Variants in RHOT1 observed in about 807,000 individuals in gnomAD.
The protein encoded by RHOT1 is mitochondrial Rho GTPase 1.
In RHOT1, 27 loss-of-function variants were observed where a neutral mutation model predicts 95.3. The observed-to-expected ratio is 0.28, with a 90% confidence interval of 0.21 to 0.39. RHOT1 has a LOEUF of 0.39. Among genes scored for constraint, RHOT1 ranks in the 10% least tolerant of loss-of-function variants. The pLI is 1.00. For synonymous variants in RHOT1, 227 were observed against 263.5 expected (o/e 0.86, Z 1.34); for missense variants, 578 against 786.7 (o/e 0.73, Z 3.17).
chr17:32,199,886 T>G (rs2037179265), intron 13 of RHOT1, among the ~76,000 whole-genome samples: 1 of 152,100 alleles, frequency 6.6e-6, no homozygotes, highest in East Asian at 1.9e-4. Context: ...GGGTGAAGCA[T>G]ATTTTACTTG....
chr17:32,175,948 A>G lies in RHOT1; in HGVS notation c.223-14A>G. ...TATTTTTAGATACGATTAATTTGTT[A>G]ATTTTTCTTCTAGGCTAATGTCATC... On this transcript the variant is annotated splice_polypyrimidine_tract_variant and intron_variant, in intron 4 of 19. Transcript: ENST00000545287. 6.6e-7 allele frequency: 1 copy of G among 1,515,336 alleles called. No homozygotes were observed. The highest frequency in any genetic ancestry group is 8.9e-7 in the Non-Finnish European group (1 of 1,127,170). 93.9% of individuals were successfully genotyped at this position (1,515,336 alleles called of 1,614,324 possible).
chr17:32,144,253 G>A (rs193285655), intron 1 of RHOT1, among the ~76,000 whole-genome samples: 113 of 152,242 alleles, frequency 7.4e-4, no homozygotes, highest in African/African-American at 2.6e-3. Flanking sequence ...AGGCTGGAGT[G>A]CAGTGCCTGG....
intron 6 of RHOT1, among the ~76,000 whole-genome samples, chr17:32,178,613 C>CAT (rs2142587328): frequency 6.6e-6 from 1 of 152,294 alleles, no homozygotes; most frequent in African/African-American, 2.4e-5. Context: ...GCCCGCCACC[C>CAT]CGTCTAGGAA....
chr17:32,165,253 C>T lies in RHOT1; in HGVS notation c.38-5790C>T, dbSNP rs540384450. Among the ~76,000 whole-genome samples the T allele has an allele frequency of 2.1e-5, 3 of 140,710 alleles. No individual in the cohort carries two copies. The South Asian group carries it at 6.9e-4, about 32-fold the overall frequency. The allele number at this position is 140,710 out of a possible 152,430, so 92.3% of individuals were successfully genotyped here. ...TTGGGAGGCTGAGGCAGGAGAATGG[C>T]GTAAACCCAAGAGGCAGAGCTTGCA... On this transcript the variant is annotated intron_variant, in intron 1 of 19. Coordinates refer to ENST00000545287, the MANE Select transcript of RHOT1 (RefSeq NM_001033566.3).
chr17:32,177,444 T>C (rs1308768227), intron 6 of RHOT1, among the ~76,000 whole-genome samples: 1 of 152,066 alleles, frequency 6.6e-6, no homozygotes, highest in Non-Finnish European at 1.5e-5. Context: ...GCGCCATTTC[T>C]AGGAGGGAAT....
chr17:32,182,328 T>A (rs1179984879), intron 6 of RHOT1, among the ~76,000 whole-genome samples: 46 of 146,244 alleles, frequency 3.1e-4, no homozygotes, highest in East Asian at 1.9e-3. Context: ...AAAAAAAATT[T>A]TTTTTTAATT....
chr17:32,158,716 C>T (rs938663748), intron 1 of RHOT1, among the ~76,000 whole-genome samples: 2 of 152,184 alleles, frequency 1.3e-5, no homozygotes, highest in South Asian at 2.1e-4. Context: ...CCTCAGCCTC[C>T]CAAAGTGCTG....
chr17:32,174,739 T>G (rs1431130018), intron 3 of RHOT1, among the ~76,000 whole-genome samples: 1 of 151,778 alleles, frequency 6.6e-6, no homozygotes, highest in Non-Finnish European at 1.5e-5. Flanking sequence ...TGCTCTTCAA[T>G]TATTTGCTTT....
intron 2 of RHOT1, among the ~76,000 whole-genome samples, chr17:32,173,221 G>T (rs540099870): frequency 1.3e-5 from 2 of 152,226 alleles, no homozygotes; most frequent in South Asian, 4.1e-4. Context: ...TGGTGAGAGG[G>T]GTAATACAAG....
intron 1 of RHOT1, among the ~76,000 whole-genome samples, chr17:32,147,308 G>T (rs578239616): frequency 1.1e-4 from 16 of 152,058 alleles, no homozygotes; most frequent in African/African-American, 3.6e-4. Flanking sequence ...GCCTCCTGAA[G>T]TGCTGGGATC....
chr17:32,224,998 G>T lies in RHOT1; in HGVS notation c.*265G>T, dbSNP rs7207471. On this transcript the variant is annotated 3_prime_UTR_variant, in exon 20 of 20. Transcript: ENST00000545287. ...TTTGTAAATATATGTACATATTCAG[G>T]CAAGATATGGTCTCCCAAGCTGAGT... 1 of 224,920 alleles carries T rather than the reference G, an allele frequency of 4.4e-6. No homozygotes were observed. The allele number at this position is 224,920 out of a possible 1,614,324, so 13.9% of individuals were successfully genotyped here. A position where few individuals can be genotyped will look rare whatever the true frequency, so the allele number is the denominator to read the frequency against.
chr17:32,183,533 A>T (rs552521479), intron 8 of RHOT1, among the ~76,000 whole-genome samples: 1 of 152,352 alleles, frequency 6.6e-6, no homozygotes, highest in South Asian at 2.1e-4. Context: ...CAACAATAAC[A>T]ACAAAAAAGT....
At chr17:32,144,757 C>T (rs2031039315) in intron 1 of RHOT1, among the ~76,000 whole-genome samples, 3 of 147,598 alleles carry the variant, frequency 2.0e-5, no homozygotes, top group African/African-American at 7.5e-5. Flanking sequence ...GAGGCTGAGG[C>T]AGGAGGATTG....
intron 2 of RHOT1, among the ~76,000 whole-genome samples, chr17:32,173,390 G>A (rs7207722): frequency 0.032 from 4,885 of 152,194 alleles, 260 homozygotes; most frequent in African/African-American, 0.11. Flanking sequence ...TATCATGTTA[G>A]TGCTAAAAAG....
Position 32,145,351 on chromosome 17 carries a change from A to G in RHOT1, c.37+2622A>G, listed in dbSNP as rs144218790. ...AGTAAACAGGATAGTTTTCATTTTA[A>G]TGGAGTCTTCTTTTTAAATTAAATT... On this transcript the variant is annotated intron_variant, in intron 1 of 19. Coordinates refer to ENST00000545287, the MANE Select transcript of RHOT1 (RefSeq NM_001033566.3). Among the ~76,000 whole-genome samples, 249 of 152,290 alleles carry G rather than the reference A, an allele frequency of 1.6e-3. 1 individual carries two copies. Among genetic ancestry groups the G allele is most frequent in the African/African-American group, 5.6e-3 (234 of 41,584 alleles).
intron 1 of RHOT1, among the ~76,000 whole-genome samples, chr17:32,146,617 T>A (rs936436872): frequency 6.8e-6 from 1 of 146,920 alleles, no homozygotes; most frequent in Admixed American, 6.7e-5. Flanking sequence ...GGCTAATTTT[T>A]TTTTTTTTTT....
chr17:32,205,445 G>A (rs576658231), intron 16 of RHOT1, among the ~76,000 whole-genome samples: 2 of 152,218 alleles, frequency 1.3e-5, no homozygotes, highest in African/African-American at 2.4e-5. Context: ...CTAGTGCTTG[G>A]TAGTTTATCT....
chr17:32,207,779 G>A (rs924042850), intron 17 of RHOT1, among the ~76,000 whole-genome samples: 5 of 152,116 alleles, frequency 3.3e-5, no homozygotes, highest in Admixed American at 3.3e-4. Flanking sequence ...AATGAAAGTA[G>A]TTTTTATAAA....
At chr17:32,169,091 A>G (rs1268971712) in intron 1 of RHOT1, among the ~76,000 whole-genome samples, 1 of 152,150 alleles carries the variant, frequency 6.6e-6, no homozygotes, top group Non-Finnish European at 1.5e-5. Context: ...TACCAGCGGT[A>G]CTCGGTTGTT....
Sources: allele counts gnomAD v4.1 joint callset (sites outside exome capture counted in the v4.1 genomes callset), GRCh38; gene constraint gnomAD v4.1.1; transcripts MANE v1.5; gene names NCBI Gene and HGNC (gene_info 2026-07-23, HGNC 2026-07-21).